Variants in NAALADL2 observed in about 807,000 individuals in gnomAD.
The protein encoded by NAALADL2 is inactive N-acetylated-alpha-linked acidic dipeptidase-like protein 2.
In NAALADL2, 76 loss-of-function variants were observed where a neutral mutation model predicts 87.2. The observed-to-expected ratio is 0.87, with a 90% confidence interval of 0.72 to 1.05. NAALADL2 has a LOEUF of 1.05. NAALADL2 is among the 50% of genes least tolerant of loss of function. The probability of loss-of-function intolerance (pLI) is 0.00; values close to 1 mark genes in which losing one functional copy is unlikely to be tolerated. For synonymous variants in NAALADL2, 354 were observed against 331.0 expected (o/e 1.07, Z -0.75); for missense variants, 1,089 against 945.8 (o/e 1.15, Z -1.99).
At chr3:174,556,596 A>C (rs1006665736) in intron 2 of NAALADL2, among the ~76,000 whole-genome samples, 2 of 152,196 alleles carry the variant, frequency 1.3e-5, no homozygotes, top group Non-Finnish European at 2.9e-5. Context: ...TGTCCTTCTT[A>C]ATACACAACT....
intron 10 of NAALADL2, among the ~76,000 whole-genome samples, chr3:175,591,782 G>GTATATA (rs1296001110): frequency 4.9e-5 from 1 of 20,526 alleles, no homozygotes; most frequent in East Asian, 3.4e-3. Flanking sequence ...GTGTGTGTGT[G>GTATATA]TGTATATATA....
At chr3:174,959,088 A>G (rs979260513) in intron 1 of NAALADL2, among the ~76,000 whole-genome samples, 3 of 152,044 alleles carry the variant, frequency 2.0e-5, no homozygotes, top group African/African-American at 7.2e-5. Context: ...TTTGAGAGTA[A>G]CTGTGACAAC....
At chr3:175,380,744 T>C (rs893337204) in intron 5 of NAALADL2, among the ~76,000 whole-genome samples, 3 of 152,128 alleles carry the variant, frequency 2.0e-5, no homozygotes, top group Non-Finnish European at 4.4e-5. Flanking sequence ...GCAAAAAATA[T>C]ACTGTCTGAA....
chr3:175,734,172 C>CTT (rs1343246848), intron 11 of NAALADL2, among the ~76,000 whole-genome samples: 1 of 152,184 alleles, frequency 6.6e-6, no homozygotes, highest in Non-Finnish European at 1.5e-5. Flanking sequence ...CCCCACATTT[C>CTT]TTTTTTGCAG....
intron 1 of NAALADL2, among the ~76,000 whole-genome samples, chr3:174,490,815 T>C (rs899608935): frequency 1.3e-5 from 2 of 152,076 alleles, no homozygotes; most frequent in Non-Finnish European, 2.9e-5. Context: ...TGGGTTTCTA[T>C]TTCATGACTA....
chr3:174,800,545 T>A (rs1718700284), intron 3 of NAALADL2, among the ~76,000 whole-genome samples: 1 of 152,098 alleles, frequency 6.6e-6, no homozygotes, highest in South Asian at 2.1e-4. Context: ...ATGGAGAACC[T>A]CTGCTAGGGC....
At chr3:175,019,958 T>C (rs1751359748) in intron 1 of NAALADL2, among the ~76,000 whole-genome samples, 1 of 152,042 alleles carries the variant, frequency 6.6e-6, no homozygotes, top group African/African-American at 2.4e-5. Context: ...AAATAATATG[T>C]GATCTTTATG....
intron 5 of NAALADL2, among the ~76,000 whole-genome samples, chr3:175,391,448 T>C (rs1434213365): frequency 6.6e-6 from 1 of 152,168 alleles, no homozygotes; most frequent in African/African-American, 2.4e-5. Context: ...AGCTGCCATA[T>C]TGCAAACTTC....
chr3:175,729,027 G>T (rs1276817323), intron 11 of NAALADL2, among the ~76,000 whole-genome samples: 2 of 152,100 alleles, frequency 1.3e-5, no homozygotes, highest in Non-Finnish European at 2.9e-5. Context: ...CTAGGTTCCT[G>T]CTCCCCAAAT....
At chr3:175,440,868 T>A (rs1029941034) in intron 5 of NAALADL2, among the ~76,000 whole-genome samples, 1 of 152,162 alleles carries the variant, frequency 6.6e-6, no homozygotes, top group African/African-American at 2.4e-5. Context: ...AGTTTGGATG[T>A]CCTTTATTTC....
intron 1 of NAALADL2, among the ~76,000 whole-genome samples, chr3:174,504,982 G>C (rs1422217287): frequency 6.6e-6 from 1 of 152,094 alleles, no homozygotes; most frequent in Admixed American, 6.6e-5. Flanking sequence ...TCCACTAATG[G>C]AAATGTTTCC....
At chr3:174,996,424 G>A (rs62286240) in intron 1 of NAALADL2, among the ~76,000 whole-genome samples, 1 of 151,724 alleles carries the variant, frequency 6.6e-6, no homozygotes, top group African/African-American at 2.4e-5. Context: ...ATGAACTGGG[G>A]AGGCTGAGCT....
chr3:175,132,450 T>TC (rs1223614873), intron 2 of NAALADL2, among the ~76,000 whole-genome samples: 4,656 of 4,696 alleles, frequency 0.99, 2,314 homozygotes, highest in African/African-American at 1. Context: ...CCCCCCCACC[T>TC]CCTCCGGACG....
At chr3:174,814,053 G>A (rs182180768) in intron 3 of NAALADL2, among the ~76,000 whole-genome samples, 45 of 152,146 alleles carry the variant, frequency 3.0e-4, no homozygotes, top group African/African-American at 5.8e-4. Context: ...TGTCAGCACA[G>A]AGAAGGTGTG....
At chr3:175,485,812 A>G (rs539840637) in intron 9 of NAALADL2, among the ~76,000 whole-genome samples, 2 of 152,284 alleles carry the variant, frequency 1.3e-5, no homozygotes, top group South Asian at 4.1e-4. Flanking sequence ...CCCAGAAACA[A>G]TACTTTGCAT....
At chr3:175,275,788 A>G (rs994167546) in intron 4 of NAALADL2, among the ~76,000 whole-genome samples, 6 of 151,738 alleles carry the variant, frequency 4.0e-5, no homozygotes, top group African/African-American at 1.5e-4. Context: ...TCTAAGTACT[A>G]TCTATACCCA....
At chr3:175,333,585 G>A (rs994360407) in intron 5 of NAALADL2, among the ~76,000 whole-genome samples, 17 of 152,240 alleles carry the variant, frequency 1.1e-4, no homozygotes, top group Middle Eastern at 6.8e-3. Flanking sequence ...ATAAATATGC[G>A]TGTTCTTACT....
intron 1 of NAALADL2, among the ~76,000 whole-genome samples, chr3:175,024,017 G>T (rs1181822006): frequency 1.3e-5 from 2 of 151,800 alleles, no homozygotes; most frequent in Admixed American, 6.6e-5. Context: ...AAAATCACTT[G>T]CTTCTACCAT....
intron 13 of NAALADL2, among the ~76,000 whole-genome samples, chr3:175,790,216 C>T (rs1007781171): frequency 2.0e-5 from 3 of 152,042 alleles, no homozygotes; most frequent in African/African-American, 4.8e-5. Context: ...GCTAGATAAT[C>T]TTCAGTGAAG....
Sources: gnomAD v4.1 joint callset for allele counts (sites outside exome capture counted in the v4.1 genomes callset) on GRCh38, gnomAD v4.1.1 for gene constraint, MANE v1.5 for transcripts, NCBI Gene and HGNC (gene_info 2026-07-23, HGNC 2026-07-21) for gene names.